CTNNA2: variants seen among roughly 807,000 people sequenced by gnomAD.
The protein encoded by CTNNA2 is catenin alpha-2.
In CTNNA2, 42 loss-of-function variants were observed where a neutral mutation model predicts 101.0. The observed-to-expected ratio is 0.42, with a 90% CI of 0.32 to 0.54. The LOEUF is 0.54. Among genes scored for constraint, CTNNA2 ranks in the 20% least tolerant of loss-of-function variants. The pLI, the probability that CTNNA2 is intolerant of heterozygous loss-of-function variation, is 0.14. For synonymous variants in CTNNA2, 450 were observed against 456.4 expected (o/e 0.99, Z 0.18); for missense variants, 871 against 1,223.1 (o/e 0.71, Z 4.29).
intron 9 of CTNNA2, among the ~76,000 whole-genome samples, chr2:80,484,972 T>C (rs6547312): frequency 0.019 from 2,841 of 152,114 alleles, 65 homozygotes; most frequent in African/African-American, 0.062. Flanking sequence ...TGCCACTGCA[T>C]TCCAGCCTGT....
At chr2:79,416,406 C>T (rs1419032340) in intron 4 of CTNNA2, among the ~76,000 whole-genome samples, 1 of 151,578 alleles carries the variant, frequency 6.6e-6, no homozygotes, top group Non-Finnish European at 1.5e-5. Flanking sequence ...TTAATCTTTT[C>T]CAAACATAAG....
At chr2:80,143,447 A>G (rs910057237) in intron 7 of CTNNA2, among the ~76,000 whole-genome samples, 1 of 152,084 alleles carries the variant, frequency 6.6e-6, no homozygotes, top group African/African-American at 2.4e-5. Flanking sequence ...AACACTTAAA[A>G]TCCTCTCTTT....
chr2:80,276,352 C>A (rs2149149294), intron 7 of CTNNA2, among the ~76,000 whole-genome samples: 1 of 152,228 alleles, frequency 6.6e-6, no homozygotes, highest in South Asian at 2.1e-4. Context: ...GGATTTCTGC[C>A]CGGCTGGATA....
At position 79,539,179 on chromosome 2, in the gene CTNNA2, T is replaced by C. The variant is rs540054738; in HGVS notation, c.-6+25972T>C. On this transcript the variant is annotated intron_variant, in intron 1 of 18. Coordinates refer to ENST00000402739, the MANE Select transcript of CTNNA2 (RefSeq NM_001282597.3). Reference sequence around the variant, plus strand: ...GTGAGTCAGCGGTGTTGTGCTGTTATTAAAAAACAGAACCAACACTATGGG... The same window carrying C: ...GTGAGTCAGCGGTGTTGTGCTGTTACTAAAAAACAGAACCAACACTATGGG... Among the ~76,000 whole-genome samples, 67 of 152,286 alleles carry C rather than the reference T, an allele frequency of 4.4e-4. 1 individual carries two copies. Among genetic ancestry groups the C allele is most frequent in the African/African-American group, 1.6e-3 (66 of 41,564 alleles).
rs572270086 is a variant in CTNNA2 at position 79,678,951 on chromosome 2, C to T, written c.102+27293C>T. On this transcript the variant is annotated intron_variant, in intron 2 of 18. Transcript: ENST00000402739. ...CTGCATCTATAATGGAATGTTTCTGCCACCACTGCTTTCACTGGCTCTCCC... is the reference window on the plus strand; with the variant it reads ...CTGCATCTATAATGGAATGTTTCTGTCACCACTGCTTTCACTGGCTCTCCC... Among the ~76,000 whole-genome samples, 4 of 152,276 alleles carry T rather than the reference C, an allele frequency of 2.6e-5. No homozygotes were observed. In the South Asian group the frequency reaches 8.3e-4, roughly 32 times the overall value.
At chr2:80,340,562 A>T (rs1421477812) in intron 7 of CTNNA2, among the ~76,000 whole-genome samples, 1 of 152,222 alleles carries the variant, frequency 6.6e-6, no homozygotes, top group Non-Finnish European at 1.5e-5. Context: ...AGGCTAGTTG[A>T]ATGTACCAGG....
intron 3 of CTNNA2, among the ~76,000 whole-genome samples, chr2:79,344,393 C>T (rs975911324): frequency 6.6e-6 from 1 of 152,146 alleles, no homozygotes; most frequent in African/African-American, 2.4e-5. Flanking sequence ...GGTTTAAATT[C>T]AGTGATATTA....
chr2:80,618,656 C>T (rs1269322847), intron 17 of CTNNA2: 1 of 152,824 alleles, frequency 6.5e-6, no homozygotes, highest in Non-Finnish European at 1.5e-5. Context: ...GAAGGTCACA[C>T]AGCAGGGCGA....
intron 7 of CTNNA2, among the ~76,000 whole-genome samples, chr2:80,290,580 T>G (rs1675149525): frequency 6.6e-6 from 1 of 151,858 alleles, no homozygotes; most frequent in Non-Finnish European, 1.5e-5. Context: ...ACTGCCCCCT[T>G]GAAAATACTA....
intron 7 of CTNNA2, among the ~76,000 whole-genome samples, chr2:80,316,529 A>T (rs1029629294): frequency 6.6e-6 from 1 of 152,196 alleles, no homozygotes; most frequent in Non-Finnish European, 1.5e-5. Flanking sequence ...AATTAATAAG[A>T]CCAACACAAT....
In CTNNA2 at chr2:80,598,010, T is replaced by C. The variant is rs559250443; in HGVS notation, c.2190-6064T>C. ...CTACAAAGACACTTGCATATATGTA[T>C]GTTTATTGCAGCACTATTTACAATA... On this transcript the variant is annotated intron_variant, in intron 15 of 18. Transcript: ENST00000402739. 1.1e-4 allele frequency among the ~76,000 whole-genome samples: 16 copies of C among 152,316 alleles called. No homozygotes were observed. In the East Asian group the frequency reaches 2.7e-3, roughly 26 times the overall value.
intron 7 of CTNNA2, among the ~76,000 whole-genome samples, chr2:80,367,011 T>C (rs1383458701): frequency 2.0e-5 from 3 of 151,238 alleles, no homozygotes; most frequent in African/African-American, 7.3e-5. Context: ...GGTTGCATTT[T>C]TTTTTTTTTT....
At chr2:79,364,796 A>T (rs921244744) in intron 3 of CTNNA2, among the ~76,000 whole-genome samples, 3 of 152,174 alleles carry the variant, frequency 2.0e-5, no homozygotes, top group East Asian at 1.9e-4. Flanking sequence ...ATTCTTTGTA[A>T]AAAGGGGTAA....
In CTNNA2 at chr2:80,070,897, C is replaced by T. The variant is rs529979444; in HGVS notation, c.1056+161100C>T. On this transcript the variant is annotated intron_variant, in intron 7 of 18. Coordinates refer to ENST00000402739, the MANE Select transcript of CTNNA2 (RefSeq NM_001282597.3). ...TCTCTGCCCATGGTCACATTGCCTT[C>T]GCTGTGGTCTCTTTGTGTCAACTGT... 1.4e-4 allele frequency among the ~76,000 whole-genome samples: 22 copies of T among 152,196 alleles called. No homozygotes were observed. The South Asian group carries it at 3.9e-3, about 27-fold the overall frequency.
intron 1 of CTNNA2, among the ~76,000 whole-genome samples, chr2:79,521,075 G>T (rs1399045833): frequency 8.8e-6 from 1 of 114,054 alleles, no homozygotes; most frequent in African/African-American, 3.6e-5. Context: ...CTATTTGAAA[G>T]TTACCCCTTT....
chr2:80,646,827 A>G (rs1674145580), intron 18 of CTNNA2, among the ~76,000 whole-genome samples: 3 of 152,234 alleles, frequency 2.0e-5, no homozygotes, highest in East Asian at 1.9e-4. Context: ...TAGTATCTTT[A>G]AAGACTAAAA....
chr2:80,462,370 G>A (rs1439665572), intron 9 of CTNNA2, among the ~76,000 whole-genome samples: 1 of 152,168 alleles, frequency 6.6e-6, no homozygotes. Flanking sequence ...CTTGAAAGCA[G>A]CAAATAGAGT....
At chr2:79,941,824 G>A (rs1263694263) in intron 7 of CTNNA2, among the ~76,000 whole-genome samples, 1 of 151,934 alleles carries the variant, frequency 6.6e-6, no homozygotes, top group Non-Finnish European at 1.5e-5. Flanking sequence ...TCACCATGTT[G>A]GCCAGGCTGA....
At chr2:80,491,431 G>C (rs988572394) in intron 9 of CTNNA2, among the ~76,000 whole-genome samples, 1 of 152,196 alleles carries the variant, frequency 6.6e-6, no homozygotes, top group Non-Finnish European at 1.5e-5. Context: ...AGTTAGACTA[G>C]TTATTGAGTT....
Sources: gnomAD v4.1 joint callset for allele counts (sites outside exome capture counted in the v4.1 genomes callset) on GRCh38, gnomAD v4.1.1 for gene constraint, MANE v1.5 for transcripts, NCBI Gene and HGNC (gene_info 2026-07-23, HGNC 2026-07-21) for gene names.